The following PPP1R12B variants were observed in gnomAD, a reference collection of about 807,000 sequenced individuals.
The protein encoded by PPP1R12B is myosin phosphatase target subunit 2.
PPP1R12B carries 76 observed loss-of-function variants against 126.1 expected under a neutral mutation model. The ratio of observed to expected loss-of-function variants is 0.60; its 90% CI spans 0.50 to 0.73. The LOEUF is 0.73. Among genes scored for constraint, PPP1R12B ranks in the 30% least tolerant of loss-of-function variants. The probability of loss-of-function intolerance (pLI) is 0.00; values close to 1 mark genes in which losing one functional copy is unlikely to be tolerated. For synonymous variants in PPP1R12B, 356 were observed against 434.7 expected, an observed-to-expected ratio of 0.82 and a Z score of 2.25; for missense variants, 1,052 against 1,205.1, an observed-to-expected ratio of 0.87 and a Z score of 1.88.
At position 202,592,243 on chromosome 1, in the gene PPP1R12B, G is replaced by A. The variant is rs1425681975; in HGVS notation, c.*11683G>A. The stretch of plus-strand genomic sequence containing the variant: ...AGATACCAGGCTGGACACTGCACCG[G>A]GCCCTGAGGTTTGGCTCTGCAGGCA... On this transcript the variant is annotated 3_prime_UTR_variant, in exon 24 of 24. Transcript: ENST00000608999. 6.5e-6 allele frequency: 1 copy of A among 152,728 alleles called. No homozygotes were observed. The highest frequency in any genetic ancestry group is 1.5e-5 in the Non-Finnish European group (1 of 68,128). 9.5% of individuals were successfully genotyped at this position (152,728 alleles called of 1,614,324 possible).
At chr1:202,444,943 G>T (rs1672057945) in intron 12 of PPP1R12B, 5 of 992,436 alleles carry the variant, frequency 5.0e-6, no homozygotes, top group African/African-American at 3.4e-5. Context: ...CCTTTCTTTG[G>T]TCTATATTCA....
chr1:202,447,676 TAATAA>T (rs1161928457), intron 12 of PPP1R12B, among the ~76,000 whole-genome samples: 1 of 152,224 alleles, frequency 6.6e-6, no homozygotes, highest in Non-Finnish European at 1.5e-5. Context: ...TTATGTAATT[TAATAA>T]AATAAAATCC....
chr1:202,394,539 G>A (rs1664646599), intron 1 of PPP1R12B, among the ~76,000 whole-genome samples: 1 of 152,036 alleles, frequency 6.6e-6, no homozygotes, highest in Non-Finnish European at 1.5e-5. Flanking sequence ...CGGATCACCT[G>A]AGGTTGGGAG....
chr1:202,548,798 C>CTA (rs1685960513), intron 18 of PPP1R12B, among the ~76,000 whole-genome samples: 1 of 109,030 alleles, frequency 9.2e-6, no homozygotes, highest in African/African-American at 3.3e-5. Context: ...CTCTCTCTCT[C>CTA]TCTCTCTCTC....
intron 23 of PPP1R12B, chr1:202,575,313 G>C (rs1688997048): frequency 1.1e-6 from 1 of 936,600 alleles, no homozygotes; most frequent in Non-Finnish European, 1.5e-6. Context: ...CATAGAATGG[G>C]ACATACCAGC....
At chr1:202,374,920 T>G (rs1571672178) in intron 1 of PPP1R12B, among the ~76,000 whole-genome samples, 1 of 152,076 alleles carries the variant, frequency 6.6e-6, no homozygotes. Context: ...CATGCTTCTA[T>G]TCTTCTTTCT....
chr1:202,406,508 A>G (rs966598446), intron 1 of PPP1R12B, among the ~76,000 whole-genome samples: 1 of 152,188 alleles, frequency 6.6e-6, no homozygotes, highest in Non-Finnish European at 1.5e-5. Context: ...TGTTCCATGA[A>G]CCAAGTAGTT....
rs1358414701 is a variant in PPP1R12B at position 202,427,111 on chromosome 1, C to T, written c.773C>T (p.Ala258Val). ...GGCTGGACTCCCCTCCATGCTGCTG[C>T]ACACTGGGGAGTGAAGGAGGCTTGC... The part of the protein sequence containing the change: ...YDGWTPLHAA[A>V]HWGVKEACSI... Residue 258 changes from alanine to valine, a missense_variant, in exon 5 of 24, where the codon GCA (alanine) becomes GTA (valine). Physicochemically the swap from Ala to Val is moderately conservative, Grantham distance 64. Transcript: ENST00000608999. The T allele has an allele frequency of 1.9e-6, 3 of 1,614,174 alleles. No individual in the cohort carries two copies.
chr1:202,461,518 A>G (rs1258118525), intron 13 of PPP1R12B, among the ~76,000 whole-genome samples: 4 of 152,148 alleles, frequency 2.6e-5, no homozygotes, highest in Non-Finnish European at 5.9e-5. Context: ...ATCCATTCCT[A>G]GCTTTTCCAG....
chr1:202,534,686 G>T (rs180998375), intron 18 of PPP1R12B, among the ~76,000 whole-genome samples: 4 of 150,804 alleles, frequency 2.7e-5, no homozygotes, highest in Non-Finnish European at 5.9e-5. Context: ...TAACTAGACC[G>T]AAGTAGACCA....
chr1:202,360,894 T>C (rs1177813049), intron 1 of PPP1R12B, among the ~76,000 whole-genome samples: 2 of 1,646 alleles, frequency 1.2e-3, no homozygotes, highest in Non-Finnish European at 0.022. Flanking sequence ...CATTAGCTCT[T>C]TTTTTTTTTT....
At chr1:202,484,255 CCT>C (rs767620439) in intron 13 of PPP1R12B, among the ~76,000 whole-genome samples, 41 of 152,148 alleles carry the variant, frequency 2.7e-4, no homozygotes, top group Middle Eastern at 6.8e-3. Flanking sequence ...TTGTTTCCTT[CCT>C]CTTTCTTGTT....
Position 202,590,206 on chromosome 1 carries a change from T to A in PPP1R12B, c.*9646T>A, listed in dbSNP as rs1463050032. On this transcript the variant is annotated 3_prime_UTR_variant, in exon 24 of 24. Transcript: ENST00000608999. The stretch of plus-strand genomic sequence containing the variant: ...GCCAGCCTCCCTCTCGTCATTGGGC[T>A]CAGACTGTGGCTGTTCCCTAAGCCC... 1 of 152,176 alleles carries A rather than the reference T, an allele frequency of 6.6e-6. No individual in the cohort carries two copies. Among genetic ancestry groups the A allele is most frequent in the African/African-American group, 2.4e-5 (1 of 41,416 alleles). The allele number at this position is 152,176 out of a possible 1,614,324, so 9.4% of individuals were successfully genotyped here.
Position 202,586,825 on chromosome 1 carries a change from A to G in PPP1R12B, c.*6265A>G, listed in dbSNP as rs369700063. 15 of 152,248 alleles carry G rather than the reference A, an allele frequency of 9.9e-5. No individual in the cohort carries two copies. Among genetic ancestry groups the G allele is most frequent in the Admixed American group, 5.9e-4 (9 of 15,290 alleles). The allele number at this position is 152,248 out of a possible 1,614,324, so 9.4% of individuals were successfully genotyped here. The stretch of plus-strand genomic sequence containing the variant: ...GGTGGGTGTGTCTAAAGACAATACC[A>G]TTAATGAATGTTCTGGCCTTACCTA... On this transcript the variant is annotated 3_prime_UTR_variant, in exon 24 of 24. Coordinates refer to ENST00000608999, the MANE Select transcript of PPP1R12B (RefSeq NM_002481.4).
At chr1:202,466,240 C>T (rs1486745439) in intron 13 of PPP1R12B, among the ~76,000 whole-genome samples, 1 of 151,996 alleles carries the variant, frequency 6.6e-6, no homozygotes, top group East Asian at 1.9e-4. Flanking sequence ...TCTGCCCCAC[C>T]CCCCAATCCA....
intron 2 of PPP1R12B, among the ~76,000 whole-genome samples, chr1:202,420,483 G>A (rs551786498): frequency 6.6e-6 from 1 of 152,340 alleles, no homozygotes; most frequent in East Asian, 1.9e-4. Flanking sequence ...CTGGGTGAGA[G>A]TTGATGTGTT....
chr1:202,481,473 G>T (rs1209509619), intron 13 of PPP1R12B, among the ~76,000 whole-genome samples: 2 of 152,036 alleles, frequency 1.3e-5, no homozygotes, highest in East Asian at 1.9e-4. Context: ...CAACATTAAA[G>T]AAATTTATGA....
At chr1:202,494,590 A>G (rs1285297281) in intron 15 of PPP1R12B, among the ~76,000 whole-genome samples, 11 of 151,544 alleles carry the variant, frequency 7.3e-5, no homozygotes, top group East Asian at 5.8e-4. Context: ...TTTAAAAAAA[A>G]AAAAAAAAAA....
intron 1 of PPP1R12B, among the ~76,000 whole-genome samples, chr1:202,389,682 C>A (rs1663789691): frequency 6.6e-6 from 1 of 152,048 alleles, no homozygotes; most frequent in Non-Finnish European, 1.5e-5. Context: ...CTAATCCCAG[C>A]ACTTTGGGAG....
Sources: allele counts gnomAD v4.1 joint callset (sites outside exome capture counted in the v4.1 genomes callset), GRCh38; gene constraint gnomAD v4.1.1; transcripts MANE v1.5; gene names NCBI Gene and HGNC (gene_info 2026-07-23, HGNC 2026-07-21).